Variants in RGS7 observed in about 807,000 individuals in gnomAD.
RGS7 encodes regulator of G protein signaling 7, also known as regulator of G-protein signaling 7.
RGS7 carries 27 observed loss-of-function variants against 81.1 expected under a neutral mutation model. That is an observed-to-expected ratio of 0.33 (90% CI 0.25 to 0.46). The LOEUF is 0.46. Among genes scored for constraint, RGS7 ranks in the 20% least tolerant of loss-of-function variants. The pLI is 1.00. For synonymous variants in RGS7, 208 were observed against 207.7 expected (o/e 1.00, Z -0.01); for missense variants, 396 against 607.4 (o/e 0.65, Z 3.66).
At chr1:241,188,410 AG>A (rs1290653358) in intron 2 of RGS7, among the ~76,000 whole-genome samples, 1 of 152,170 alleles carries the variant, frequency 6.6e-6, no homozygotes, top group Non-Finnish European at 1.5e-5. Flanking sequence ...GTGGGTTTTC[AG>A]AAAAAAAAGT....
At chr1:241,220,972 A>AGGAC (rs1558202804) in intron 2 of RGS7, among the ~76,000 whole-genome samples, 3 of 103,294 alleles carry the variant, frequency 2.9e-5, no homozygotes, top group Non-Finnish European at 4.0e-5. Flanking sequence ...GAAGGAAGGA[A>AGGAC]GGAAGGAAGG....
intron 3 of RGS7, among the ~76,000 whole-genome samples, chr1:241,017,071 T>C (rs561033773): frequency 2.0e-4 from 31 of 152,352 alleles, no homozygotes; most frequent in Admixed American, 1.9e-3. Flanking sequence ...CAAATAACTC[T>C]GTACTCGTTT....
At chr1:240,850,293 T>C (rs1314141633) in intron 9 of RGS7, among the ~76,000 whole-genome samples, 2 of 152,212 alleles carry the variant, frequency 1.3e-5, no homozygotes, top group Admixed American at 6.5e-5. Context: ...CTTTGTATCC[T>C]TGAGTCAGAT....
chr1:240,959,492 A>C (rs1020796832), intron 4 of RGS7, among the ~76,000 whole-genome samples: 5 of 152,332 alleles, frequency 3.3e-5, no homozygotes, highest in African/African-American at 1.2e-4. Flanking sequence ...AAACATAGAA[A>C]ATGCAATGCA....
At chr1:240,920,303 T>C in intron 6 of RGS7, 2 of 1,404,494 alleles carry the variant, frequency 1.4e-6, no homozygotes, top group Non-Finnish European at 2.0e-6. Flanking sequence ...ACTTTGGTCG[T>C]GGAGGAAACT....
intron 2 of RGS7, among the ~76,000 whole-genome samples, chr1:241,331,572 G>C (rs1169940279): frequency 1.3e-5 from 2 of 152,134 alleles, no homozygotes; most frequent in African/African-American, 4.8e-5. Flanking sequence ...CTTGCATACT[G>C]TGAGACAAAG....
At chr1:240,781,033 A>G (rs1683961540) in intron 18 of RGS7, among the ~76,000 whole-genome samples, 1 of 89,214 alleles carries the variant, frequency 1.1e-5, no homozygotes, top group Non-Finnish European at 2.1e-5. Flanking sequence ...ATCAATTTAT[A>G]AAAAAAAAAA....
At chr1:241,094,311 A>T (rs577470056) in intron 3 of RGS7, among the ~76,000 whole-genome samples, 1 of 151,950 alleles carries the variant, frequency 6.6e-6, no homozygotes, top group East Asian at 1.9e-4. Context: ...AGTTCTGGGA[A>T]TCTCAACAGA....
intron 2 of RGS7, among the ~76,000 whole-genome samples, chr1:241,212,601 T>A (rs550589064): frequency 6.6e-6 from 1 of 152,180 alleles, no homozygotes. Context: ...TAGTACTCAG[T>A]TGCATCTGAC....
At chr1:240,878,285 CT>C (rs1409663834) in intron 6 of RGS7, among the ~76,000 whole-genome samples, 3 of 152,122 alleles carry the variant, frequency 2.0e-5, no homozygotes, top group Non-Finnish European at 2.9e-5. Context: ...TTTTCTCCCC[CT>C]ATTCTTCTTC....
intron 2 of RGS7, among the ~76,000 whole-genome samples, chr1:241,274,918 G>A (rs545385233): frequency 1.2e-4 from 19 of 152,306 alleles, no homozygotes; most frequent in Non-Finnish European, 2.1e-4. Flanking sequence ...CCAGAGTACT[G>A]ACGAGATATT....
At chr1:241,114,318 G>T (rs1053337813) in intron 2 of RGS7, among the ~76,000 whole-genome samples, 4 of 151,210 alleles carry the variant, frequency 2.6e-5, no homozygotes, top group African/African-American at 7.4e-5. Context: ...GTCAGAGCTC[G>T]CTCTTTCTCT....
intron 10 of RGS7, among the ~76,000 whole-genome samples, chr1:240,822,341 A>G (rs1200729060): frequency 6.6e-6 from 1 of 152,246 alleles, no homozygotes. Context: ...AAAAACAACA[A>G]CAACAGAAAA....
At chr1:240,923,745 C>A (rs77668862) in intron 6 of RGS7, among the ~76,000 whole-genome samples, 1 of 149,956 alleles carries the variant, frequency 6.7e-6, no homozygotes, top group East Asian at 1.9e-4. Flanking sequence ...TTTGTCTTAA[C>A]GGAATGGATA....
intron 2 of RGS7, among the ~76,000 whole-genome samples, chr1:241,290,176 G>A (rs1203520461): frequency 1.3e-5 from 2 of 152,108 alleles, no homozygotes; most frequent in African/African-American, 4.8e-5. Context: ...TGTAATTTAG[G>A]GAGTACATAT....
intron 6 of RGS7, among the ~76,000 whole-genome samples, chr1:240,879,484 A>T (rs1473162315): frequency 6.6e-6 from 1 of 152,154 alleles, no homozygotes; most frequent in Non-Finnish European, 1.5e-5. Context: ...AAAAATCCCC[A>T]TTCATTTTTG....
intron 2 of RGS7, among the ~76,000 whole-genome samples, chr1:241,139,614 C>A (rs2067779953): frequency 6.6e-6 from 1 of 152,172 alleles, no homozygotes. Context: ...ACCTTATATT[C>A]CCATCAGCAA....
At chr1:241,076,935 T>G in intron 3 of RGS7, among the ~76,000 whole-genome samples, 1 of 152,206 alleles carries the variant, frequency 6.6e-6, no homozygotes. Flanking sequence ...AAATCTTCAG[T>G]TGAGGAAAGA....
At chr1:240,948,125 A>G (rs182544674) in intron 4 of RGS7, among the ~76,000 whole-genome samples, 2 of 152,320 alleles carry the variant, frequency 1.3e-5, no homozygotes, top group Non-Finnish European at 1.5e-5. Context: ...GGCTTTCATA[A>G]AAACCATTTT....
Sources: allele counts gnomAD v4.1 joint callset (sites outside exome capture counted in the v4.1 genomes callset), GRCh38; gene constraint gnomAD v4.1.1; transcripts MANE v1.5; gene names NCBI Gene and HGNC (gene_info 2026-07-23, HGNC 2026-07-21).